The following NEDD4 variants were observed in gnomAD, a reference collection of about 807,000 sequenced individuals.
NEDD4 encodes NEDD4 E3 ubiquitin protein ligase.
In NEDD4, 99 loss-of-function variants were observed where a neutral mutation model predicts 144.9. The ratio of observed to expected loss-of-function variants is 0.68; its 90% CI spans 0.58 to 0.81. NEDD4 has a LOEUF of 0.81. Among genes scored for constraint, NEDD4 ranks in the 30% least tolerant of loss-of-function variants. The pLI is 0.00. For synonymous variants in NEDD4, 318 were observed against 350.6 expected (o/e 0.91, Z 1.04); for missense variants, 985 against 1,065.9 (o/e 0.92, Z 1.06).
At chr15:55,870,369 C>A (rs1595774937) in intron 7 of NEDD4, among the ~76,000 whole-genome samples, 1 of 152,132 alleles carries the variant, frequency 6.6e-6, no homozygotes, top group South Asian at 2.1e-4. Context: ...TTGAATCTGT[C>A]ACACATTAAT....
chr15:55,925,953 TCATACA>T (rs1231065589), intron 4 of NEDD4, among the ~76,000 whole-genome samples: 4 of 151,928 alleles, frequency 2.6e-5, no homozygotes, highest in African/African-American at 4.8e-5. Context: ...ACATACTGTA[TCATACA>T]GTATGTATAT....
At chr15:55,875,096 TAAAAA>T (rs201653409) in intron 5 of NEDD4, among the ~76,000 whole-genome samples, 2 of 127,532 alleles carry the variant, frequency 1.6e-5, no homozygotes, top group African/African-American at 5.9e-5. Context: ...TGCAAAGAAA[TAAAAA>T]AAAAAACCCA....
chr15:55,919,781 T>C (rs2036535347), intron 5 of NEDD4, among the ~76,000 whole-genome samples: 1 of 152,174 alleles, frequency 6.6e-6, no homozygotes, highest in Non-Finnish European at 1.5e-5. Flanking sequence ...ATCATCTACA[T>C]GGAAAATAAT....
At chr15:55,993,612 TGGA>T (rs1302608628), upstream of NEDD4, 449 of 1,568,164 alleles carry the variant, frequency 2.9e-4, 1 homozygote, top group Admixed American at 4.4e-4. Context: ...CAGGCAACTG[TGGA>T]GGAGGAGGAG....
At chr15:55,857,383 T>C (rs1485630634) in intron 11 of NEDD4, among the ~76,000 whole-genome samples, 1 of 152,110 alleles carries the variant, frequency 6.6e-6, no homozygotes, top group Admixed American at 6.6e-5. Flanking sequence ...GGCTGGAGTA[T>C]GGTGGTGCGA....
chr15:55,866,349 C>CTTCT (rs1392441312), intron 8 of NEDD4, among the ~76,000 whole-genome samples: 57 of 151,484 alleles, frequency 3.8e-4, no homozygotes, highest in African/African-American at 1.3e-3. Flanking sequence ...GTTGATCTTC[C>CTTCT]TTCTTTCTTT....
At chr15:55,928,032 T>C (rs911596048) in intron 4 of NEDD4, among the ~76,000 whole-genome samples, 15 of 152,136 alleles carry the variant, frequency 9.9e-5, no homozygotes, top group East Asian at 1.9e-4. Flanking sequence ...TCTTTTTTTT[T>C]CCCTTCTCAC....
intron 1 of NEDD4, among the ~76,000 whole-genome samples, chr15:55,971,519 G>A (rs2037608309): frequency 6.6e-6 from 1 of 151,842 alleles, no homozygotes; most frequent in African/African-American, 2.4e-5. Flanking sequence ...CAGCTACTCA[G>A]GAGGCTGAGG....
At chr15:55,966,388 T>C (rs2037513276) in intron 2 of NEDD4, 85 bp downstream of exon 2, 1 of 791,872 alleles carries the variant, frequency 1.3e-6, no homozygotes, top group African/African-American at 1.8e-5. Context: ...CTAATACTAT[T>C]TGATTTCTAA....
intron 11 of NEDD4, 115 bp from the exon 12 acceptor site, chr15:55,856,311 G>C (rs2034193114): frequency 1.1e-6 from 1 of 884,580 alleles, no homozygotes; most frequent in African/African-American, 1.7e-5. Flanking sequence ...GGCTGGCTAG[G>C]ATGCAAATGT....
chr15:55,975,513 G>A (rs182595174), intron 1 of NEDD4, among the ~76,000 whole-genome samples: 2 of 152,022 alleles, frequency 1.3e-5, no homozygotes, highest in African/African-American at 2.4e-5. Context: ...AATCAAGAAT[G>A]TAACTCCCAG....
At chr15:55,956,187 T>C (rs922180713) in intron 2 of NEDD4, among the ~76,000 whole-genome samples, 4 of 152,152 alleles carry the variant, frequency 2.6e-5, no homozygotes, top group Non-Finnish European at 4.4e-5. Flanking sequence ...GTACATGAGA[T>C]TACCCATTCA....
intron 1 of NEDD4, among the ~76,000 whole-genome samples, chr15:55,967,742 C>T (rs66520610): frequency 0.15 from 22,674 of 151,676 alleles, 1,835 homozygotes; most frequent in East Asian, 0.32. Context: ...AAAATATTGC[C>T]AGTTATGCCG....
At chr15:55,927,096 A>G (rs576577248) in intron 4 of NEDD4, among the ~76,000 whole-genome samples, 2,060 of 142,410 alleles carry the variant, frequency 0.014, 37 homozygotes, top group African/African-American at 0.051. Context: ...AAAAAAAAAA[A>G]AAAGAAAGAA....
chr15:55,914,392 T>C (rs1247022382), intron 5 of NEDD4, among the ~76,000 whole-genome samples: 1 of 151,886 alleles, frequency 6.6e-6, no homozygotes, highest in African/African-American at 2.4e-5. Context: ...GTTCAAACCA[T>C]TTTAAATACT....
chr15:55,863,090 G>T lies in NEDD4; in HGVS notation c.508-11C>A. The T allele has an allele frequency of 6.5e-7, 1 of 1,545,706 alleles. No individual in the cohort carries two copies. The highest frequency in any genetic ancestry group is 8.8e-7 in the Non-Finnish European group (1 of 1,137,908). The stretch of plus-strand genomic sequence containing the variant: ...AACAACCCAGCCAGGCTGAAAAACA[G>T]GATGGCAGCAATTAAGTTTACGCAT... On this transcript the variant is annotated splice_polypyrimidine_tract_variant and intron_variant, in intron 8 of 28. Coordinates refer to ENST00000435532, the MANE Select transcript of NEDD4 (RefSeq NM_006154.4).
chr15:55,926,432 T>C (rs774949048), intron 4 of NEDD4, among the ~76,000 whole-genome samples: 6 of 152,098 alleles, frequency 3.9e-5, no homozygotes, highest in African/African-American at 9.7e-5. Flanking sequence ...TAACTGAGGA[T>C]AGACATGCCA....
intron 5 of NEDD4, among the ~76,000 whole-genome samples, chr15:55,892,666 T>G (rs2035608841): frequency 1.3e-5 from 2 of 152,186 alleles, no homozygotes; most frequent in South Asian, 4.1e-4. Context: ...AGCTATCCAT[T>G]TTTACCCTCT....
intron 1 of NEDD4, among the ~76,000 whole-genome samples, chr15:55,985,531 T>C (rs150608556): frequency 6.6e-6 from 1 of 152,280 alleles, no homozygotes; most frequent in Non-Finnish European, 1.5e-5. Context: ...GGTCAGGAAG[T>C]TAGTTACACT....
Sources: allele counts gnomAD v4.1 joint callset (sites outside exome capture counted in the v4.1 genomes callset), GRCh38; gene constraint gnomAD v4.1.1; transcripts MANE v1.5; gene names NCBI Gene and HGNC (gene_info 2026-07-23, HGNC 2026-07-21).